Variants in CSNK1G3 observed in about 807,000 individuals in gnomAD.
The protein encoded by CSNK1G3 is casein kinase 1 gamma 3.
Under a neutral mutation model 64.3 loss-of-function variants are expected in CSNK1G3, and 23 were observed. The ratio of observed to expected loss-of-function variants is 0.36; its 90% CI spans 0.26 to 0.51. CSNK1G3 has a LOEUF of 0.51. CSNK1G3 is among the 20% of genes least tolerant of loss of function. CSNK1G3 has a pLI of 0.96. For missense variants in CSNK1G3, 357 were observed against 510.5 expected, an observed-to-expected ratio of 0.70 and a Z score of 2.90; for synonymous variants, 158 against 162.2, an observed-to-expected ratio of 0.97 and a Z score of 0.20.
chr5:123,577,404 C>T (rs1789385100), intron 6 of CSNK1G3, among the ~76,000 whole-genome samples: 1 of 151,918 alleles, frequency 6.6e-6, no homozygotes. Flanking sequence ...TACATATATA[C>T]GTATGTATAC....
intron 6 of CSNK1G3, among the ~76,000 whole-genome samples, chr5:123,581,007 A>AT (rs1318511117): frequency 6.6e-6 from 1 of 151,872 alleles, no homozygotes; most frequent in Non-Finnish European, 1.5e-5. Flanking sequence ...CTGTGCTATC[A>AT]TTCTGTGGTG....
At chr5:123,607,548 G>A (rs1015723128) in intron 12 of CSNK1G3, among the ~76,000 whole-genome samples, 5 of 152,104 alleles carry the variant, frequency 3.3e-5, no homozygotes, top group African/African-American at 9.7e-5. Context: ...TCCAGAATAG[G>A]CAAATACATA....
chr5:123,546,114 T>A (rs1016640157), intron 2 of CSNK1G3, among the ~76,000 whole-genome samples: 1 of 152,096 alleles, frequency 6.6e-6, no homozygotes, highest in Non-Finnish European at 1.5e-5. Context: ...TAGGCTGAAA[T>A]AGCTGCCAGT....
intron 10 of CSNK1G3, 151 bp from the exon 12 acceptor site, chr5:123,604,573 C>G (rs1042644787): frequency 6.4e-6 from 3 of 467,000 alleles, no homozygotes; most frequent in Non-Finnish European, 1.2e-5. Flanking sequence ...TTATGAACAG[C>G]TACATATTGT....
Position 123,603,976 on chromosome 5 carries a change from A to G in CSNK1G3, c.1087-748A>G, listed in dbSNP as rs1424766865. Reference sequence around the variant, plus strand: ...ATACATGATGTGATTTGCATCTTAAAAGGAGCACCCTGATTGCTGTGTGGA... The same window carrying G: ...ATACATGATGTGATTTGCATCTTAAGAGGAGCACCCTGATTGCTGTGTGGA... On this transcript the variant is annotated intron_variant, in intron 10 of 12. Transcript: ENST00000345990. Among the ~76,000 whole-genome samples, 3 of 152,130 alleles carry G rather than the reference A, an allele frequency of 2.0e-5. No homozygotes were observed. The East Asian group carries it at 5.8e-4, about 29-fold the overall frequency.
At chr5:123,596,020 T>A (rs1793373504) in intron 10 of CSNK1G3, among the ~76,000 whole-genome samples, 1 of 152,082 alleles carries the variant, frequency 6.6e-6, no homozygotes, top group Non-Finnish European at 1.5e-5. Context: ...TTTGCCATTT[T>A]ATCAAATTTG....
At chr5:123,588,867 G>A (rs1215776455) in intron 8 of CSNK1G3, among the ~76,000 whole-genome samples, 1 of 152,062 alleles carries the variant, frequency 6.6e-6, no homozygotes, top group Admixed American at 6.5e-5. Flanking sequence ...GTTCAAAGGA[G>A]GTATGTGAAG....
exon 13 of CSNK1G3, chr5:123,615,149 A>G (rs564584608): frequency 2.6e-5 from 4 of 152,650 alleles, no homozygotes; most frequent in Non-Finnish European, 5.9e-5. Context: ...TATTTGTACA[A>G]TGTAACTTTA....
At chr5:123,561,802 G>A (rs1785779244) in intron 4 of CSNK1G3, among the ~76,000 whole-genome samples, 1 of 151,934 alleles carries the variant, frequency 6.6e-6, no homozygotes, top group South Asian at 2.1e-4. Flanking sequence ...AGACCTTCCT[G>A]CTTGATCTTC....
At chr5:123,527,602 A>G (rs973829734) in intron 1 of CSNK1G3, among the ~76,000 whole-genome samples, 1 of 152,160 alleles carries the variant, frequency 6.6e-6, no homozygotes, top group African/African-American at 2.4e-5. Context: ...AGCCTTTTAA[A>G]TTTGTGGCCT....
chr5:123,569,200 TAG>T (rs1787576719), intron 4 of CSNK1G3, among the ~76,000 whole-genome samples: 1 of 152,190 alleles, frequency 6.6e-6, no homozygotes, highest in Non-Finnish European at 1.5e-5. Context: ...AGCAAAAGGA[TAG>T]AGTAATTTTC....
intron 6 of CSNK1G3, 61 bp from the exon 7 acceptor site, chr5:123,588,007 T>A (rs573739568): frequency 1.3e-5 from 14 of 1,044,344 alleles, no homozygotes; most frequent in South Asian, 5.8e-5. Flanking sequence ...GAACAAACTC[T>A]CCATTCTTCC....
At chr5:123,588,647 T>A in intron 8 of CSNK1G3, 136 bp downstream of exon 8, 1 of 646,934 alleles carries the variant, frequency 1.5e-6, no homozygotes, top group African/African-American at 1.9e-5. Flanking sequence ...GTTGTCAGCA[T>A]TTGATGCCGA....
At chr5:123,589,799 A>G (rs1792007433) in intron 8 of CSNK1G3, among the ~76,000 whole-genome samples, 1 of 152,152 alleles carries the variant, frequency 6.6e-6, no homozygotes, top group South Asian at 2.1e-4. Context: ...TCGCCAAATA[A>G]TTGTTAAATA....
chr5:123,614,319 A>T (rs751976250), intron 12 of CSNK1G3, 23 bp from the exon 14 acceptor site: 2 of 1,603,230 alleles, frequency 1.2e-6, no homozygotes, highest in Non-Finnish European at 1.7e-6. Flanking sequence ...TTAAAATAAA[A>T]AGAGTGTTTC....
chr5:123,602,243 T>C (rs1794625415), intron 10 of CSNK1G3, among the ~76,000 whole-genome samples: 1 of 152,150 alleles, frequency 6.6e-6, no homozygotes, highest in Admixed American at 6.6e-5. Flanking sequence ...TAAGTACTTA[T>C]TCCATATAGG....
At chr5:123,520,163 CTGTT>C (rs1240957317) in intron 1 of CSNK1G3, among the ~76,000 whole-genome samples, 1 of 152,100 alleles carries the variant, frequency 6.6e-6, no homozygotes, top group South Asian at 2.1e-4. Flanking sequence ...CAAAAGCAGA[CTGTT>C]TGGGACAATT....
chr5:123,614,679 C>T lies in CSNK1G3; in HGVS notation c.*283C>T, dbSNP rs766862616. On this transcript the variant is annotated 3_prime_UTR_variant, in exon 13 of 13. Transcript: ENST00000345990. ...TGAGGTGGTATCAATGAATATAGTT[C>T]CATAGAACATTTTCCAGAAGTTCTT... 1.8e-5 allele frequency: 5 copies of T among 281,164 alleles called. No homozygotes were observed. In the South Asian group the frequency reaches 3.9e-4, roughly 22 times the overall value. The allele number at this position is 281,164 out of a possible 1,614,324, so 17.4% of individuals were successfully genotyped here.
At chr5:123,532,839 T>C (rs988456274) in intron 1 of CSNK1G3, among the ~76,000 whole-genome samples, 4 of 151,904 alleles carry the variant, frequency 2.6e-5, no homozygotes, top group African/African-American at 4.8e-5. Flanking sequence ...AAAAGAAATA[T>C]AAGCAATAGT....
Sources: gnomAD v4.1 joint callset for allele counts (sites outside exome capture counted in the v4.1 genomes callset) on GRCh38, gnomAD v4.1.1 for gene constraint, MANE v1.5 for transcripts, NCBI Gene and HGNC (gene_info 2026-07-23, HGNC 2026-07-21) for gene names.